Variants in PXDNL observed in about 807,000 individuals in gnomAD.
The protein encoded by PXDNL is peroxidasin like.
A neutral mutation model predicts 150.8 loss-of-function variants in PXDNL; 145 were observed. The ratio of observed to expected loss-of-function variants is 0.96; its 90% CI spans 0.84 to 1.10. PXDNL has a LOEUF of 1.10. PXDNL is among the 50% of genes least tolerant of loss of function. The probability of loss-of-function intolerance (pLI) is 0.00; values close to 1 mark genes in which losing one functional copy is unlikely to be tolerated. For missense variants in PXDNL, 2,087 were observed against 1,873.9 expected, an observed-to-expected ratio of 1.11 and a Z score of -2.10; for synonymous variants, 757 against 725.7, an observed-to-expected ratio of 1.04 and a Z score of -0.69.
rs1348563709 is a variant in PXDNL, at chr8:51,389,091, G to C, written c.3558-14360C>G. On this transcript the variant is annotated intron_variant, in intron 17 of 22. Transcript: ENST00000356297. ...CTGACTATCTTGCAGCTACATATTT[G>C]CTGAAATGAATTTTAACTTGCATGT... Among the ~76,000 whole-genome samples, 8 of 151,774 alleles carry C rather than the reference G, an allele frequency of 5.3e-5. No individual in the cohort carries two copies. The South Asian group carries it at 8.3e-4, about 16-fold the overall frequency.
chr8:51,486,790 ATATATTTTTTTTTTTTTTT>A (rs1196805655), intron 5 of PXDNL, among the ~76,000 whole-genome samples: 1 of 23,970 alleles, frequency 4.2e-5, no homozygotes, highest in African/African-American at 1.7e-4. Context: ...ATATATATAT[ATATATTTTTTTTTTTTTTT>A]TTTTTTTTTT....
At chr8:51,696,470 C>G (rs528347024) in intron 1 of PXDNL, among the ~76,000 whole-genome samples, 1 of 152,310 alleles carries the variant, frequency 6.6e-6, no homozygotes, top group African/African-American at 2.4e-5. Context: ...TTTAATCCAC[C>G]AAGTCTGTGG....
intron 14 of PXDNL, among the ~76,000 whole-genome samples, chr8:51,420,817 T>C (rs1191834438): frequency 6.6e-6 from 1 of 152,166 alleles, no homozygotes; most frequent in Non-Finnish European, 1.5e-5. Context: ...GCCTCCCAAG[T>C]AGCTGGGACT....
intron 4 of PXDNL, among the ~76,000 whole-genome samples, chr8:51,514,415 G>A (rs552086324): frequency 1.3e-5 from 2 of 152,218 alleles, no homozygotes; most frequent in African/African-American, 4.8e-5. Context: ...GCTATATACG[G>A]AACCATCCCT....
chr8:51,362,510 A>G (rs1400222776), intron 19 of PXDNL, among the ~76,000 whole-genome samples: 1 of 152,394 alleles, frequency 6.6e-6, no homozygotes. Flanking sequence ...TTCAATTTAC[A>G]TAACAAGTCA....
At chr8:51,635,172 TA>T (rs955129078) in intron 2 of PXDNL, among the ~76,000 whole-genome samples, 1 of 151,960 alleles carries the variant, frequency 6.6e-6, no homozygotes, top group African/African-American at 2.4e-5. Context: ...TAAAAATACT[TA>T]GGACAAACGA....
chr8:51,760,860 T>TTTTTTTTTTTTTTG lies in PXDNL; in HGVS notation c.164+48320_164+48321insCAAAAAAAAAAAAA, dbSNP rs2037155954. Reference sequence around the variant, plus strand: ...ATCACTTAAACTTTTTTTTTTTTTTTTTTTTTTTTTTTTTTTGAGACGGAG... The same window carrying TTTTTTTTTTTTTTG: ...ATCACTTAAACTTTTTTTTTTTTTTTTTTTTTTTTTTTTGTTTTTTTTTTTTTTTTGAGACGGAG... On this transcript the variant is annotated intron_variant, in intron 1 of 22. Coordinates refer to ENST00000356297, the MANE Select transcript of PXDNL (RefSeq NM_144651.5). Among the ~76,000 whole-genome samples the TTTTTTTTTTTTTTG allele has an allele frequency of 2.4e-5, 2 of 84,414 alleles. 1 individual carries two copies. The highest frequency in any genetic ancestry group is 5.5e-5 in the Non-Finnish European group (2 of 36,552). The allele number at this position is 84,414 out of a possible 152,430, so 55.4% of individuals were successfully genotyped here. A position where few individuals can be genotyped will look rare whatever the true frequency, so the allele number is the denominator to read the frequency against.
intron 1 of PXDNL, among the ~76,000 whole-genome samples, chr8:51,683,317 T>C (rs1195482117): frequency 6.6e-6 from 1 of 150,408 alleles, no homozygotes; most frequent in Non-Finnish European, 1.5e-5. Flanking sequence ...ATCTCCCTAA[T>C]GATTAGTGAC....
At chr8:51,641,636 C>A (rs915148507) in intron 2 of PXDNL, among the ~76,000 whole-genome samples, 1 of 150,960 alleles carries the variant, frequency 6.6e-6, no homozygotes, top group Non-Finnish European at 1.5e-5. Context: ...CAGAGAAATG[C>A]AAATCAAAAC....
intron 4 of PXDNL, among the ~76,000 whole-genome samples, chr8:51,502,938 T>A (rs2217524): frequency 0.97 from 148,166 of 152,250 alleles, 72,208 homozygotes; most frequent in East Asian, 1. Flanking sequence ...CCAATATCAC[T>A]TAGCTACTAT....
intron 1 of PXDNL, among the ~76,000 whole-genome samples, chr8:51,671,343 A>C (rs1486470296): frequency 6.6e-6 from 1 of 152,232 alleles, no homozygotes; most frequent in African/African-American, 2.4e-5. Flanking sequence ...TTCCCCAAAC[A>C]AAAATTTTAT....
At chr8:51,585,147 A>G (rs541271011) in intron 3 of PXDNL, among the ~76,000 whole-genome samples, 13 of 152,302 alleles carry the variant, frequency 8.5e-5, no homozygotes, top group Admixed American at 3.3e-4. Flanking sequence ...AGGGGAAAGT[A>G]AGGAGTGCGT....
intron 4 of PXDNL, among the ~76,000 whole-genome samples, chr8:51,500,032 T>C (rs1025321598): frequency 3.3e-5 from 5 of 152,132 alleles, no homozygotes; most frequent in African/African-American, 1.2e-4. Flanking sequence ...CCAGGGAGCC[T>C]CTTGAGTCGA....
chr8:51,420,590 C>T (rs1808923191), intron 14 of PXDNL, among the ~76,000 whole-genome samples: 1 of 152,128 alleles, frequency 6.6e-6, no homozygotes, highest in African/African-American at 2.4e-5. Context: ...TTATTATCTC[C>T]TTATAGCCTG....
At chr8:51,357,093 G>A (rs1243475631) in intron 19 of PXDNL, among the ~76,000 whole-genome samples, 3 of 152,064 alleles carry the variant, frequency 2.0e-5, no homozygotes, top group Non-Finnish European at 4.4e-5. Flanking sequence ...CAAGTACCCA[G>A]AAAAACAAAA....
intron 17 of PXDNL, among the ~76,000 whole-genome samples, chr8:51,403,857 G>T (rs1586075797): frequency 1.3e-5 from 2 of 152,238 alleles, no homozygotes; most frequent in East Asian, 1.9e-4. Context: ...CTTCAAGAAT[G>T]AACTTGCGGA....
rs897142306 is a variant in PXDNL at position 51,372,209 on chromosome 8, G to A, written c.3693-128C>T. On this transcript the variant is annotated intron_variant, in intron 18 of 22. Coordinates refer to ENST00000356297, the MANE Select transcript of PXDNL (RefSeq NM_144651.5). ...GACGCATACTGAAAGAATTATGCTT[G>A]TTCTCCAACTGAGTATCCTTTTAAT... 5.2e-5 allele frequency: 33 copies of A among 637,084 alleles called. 1 individual carries two copies. Among genetic ancestry groups the A allele is most frequent in the Middle Eastern group, 8.5e-4 (2 of 2,356 alleles). 39.5% of individuals were successfully genotyped at this position (637,084 alleles called of 1,614,324 possible). A position where few individuals can be genotyped will look rare whatever the true frequency, so the allele number is the denominator to read the frequency against.
At chr8:51,570,064 G>A (rs1430790136) in intron 3 of PXDNL, among the ~76,000 whole-genome samples, 1 of 151,976 alleles carries the variant, frequency 6.6e-6, no homozygotes, top group East Asian at 1.9e-4. Context: ...GCCTCAGGCT[G>A]CAGTGACCGG....
intron 18 of PXDNL, among the ~76,000 whole-genome samples, chr8:51,372,683 C>T (rs1255417980): frequency 1.3e-5 from 2 of 152,242 alleles, no homozygotes; most frequent in Non-Finnish European, 2.9e-5. Flanking sequence ...CCGCACCTAG[C>T]CCTATTGTTG....
Sources: gnomAD v4.1 joint callset for allele counts (sites outside exome capture counted in the v4.1 genomes callset) on GRCh38, gnomAD v4.1.1 for gene constraint, MANE v1.5 for transcripts, NCBI Gene and HGNC (gene_info 2026-07-23, HGNC 2026-07-21) for gene names.